The following TTC28 variants were observed in gnomAD, a reference collection of about 807,000 sequenced individuals.
The protein encoded by TTC28 is tetratricopeptide repeat protein 28.
In TTC28, 61 loss-of-function variants were observed where a neutral mutation model predicts 198.0. That is an observed-to-expected ratio of 0.31 (90% CI 0.25 to 0.38). TTC28 has a LOEUF of 0.38. Among genes scored for constraint, TTC28 ranks in the 10% least tolerant of loss-of-function variants. The probability of loss-of-function intolerance (pLI) is 1.00; values close to 1 mark genes in which losing one functional copy is unlikely to be tolerated. For synonymous variants in TTC28, 1,171 were observed against 1,297.8 expected (o/e 0.90, Z 2.10); for missense variants, 2,678 against 3,164.0 (o/e 0.85, Z 3.69).
rs139989439 is a variant in TTC28, at chr22:28,306,820, CA to C, written c.382-178del. 1.6e-4 allele frequency among the ~76,000 whole-genome samples: 24 copies of C among 152,310 alleles called. No individual in the cohort carries two copies. The East Asian group carries it at 3.9e-3, about 24-fold the overall frequency. On this transcript the variant is annotated intron_variant, in intron 2 of 22. Transcript: ENST00000397906. ...TCTAACATCATAAGCATACTTTTATCAGGCAACTTCTATTTAAAATTTTCAT... is the reference window on the plus strand; with the variant it reads ...TCTAACATCATAAGCATACTTTTATCGGCAACTTCTATTTAAAATTTTCAT...
At chr22:28,270,527 T>C (rs762103815) in intron 5 of TTC28, among the ~76,000 whole-genome samples, 12 of 151,400 alleles carry the variant, frequency 7.9e-5, no homozygotes, top group Non-Finnish European at 1.5e-4. Flanking sequence ...TACAATCTGA[T>C]ATTAAAAAAA....
chr22:28,436,247 G>T (rs572130808), intron 2 of TTC28, among the ~76,000 whole-genome samples: 1 of 152,278 alleles, frequency 6.6e-6, no homozygotes, highest in African/African-American at 2.4e-5. Context: ...AGAAGATCTT[G>T]CCAACTGACT....
intron 2 of TTC28, among the ~76,000 whole-genome samples, chr22:28,591,064 T>TACAC (rs2050426684): frequency 8.0e-6 from 1 of 124,604 alleles, no homozygotes; most frequent in African/African-American, 3.5e-5. Context: ...TATATATATA[T>TACAC]ATATATATAT....
chr22:28,511,901 T>A (rs951259206), intron 2 of TTC28, among the ~76,000 whole-genome samples: 1 of 150,878 alleles, frequency 6.6e-6, no homozygotes, highest in African/African-American at 2.4e-5. Context: ...GACATAGGCA[T>A]GGGCAAAGAT....
chr22:28,633,736 A>G (rs1304930137), intron 1 of TTC28, among the ~76,000 whole-genome samples: 3 of 152,244 alleles, frequency 2.0e-5, no homozygotes, highest in Admixed American at 6.5e-5. Flanking sequence ...GTACAGTAAT[A>G]TAAAGTAACA....
rs192293654 is a variant in TTC28 at position 28,533,450 on chromosome 22, G to A, written c.381+96102C>T. Among the ~76,000 whole-genome samples the A allele has an allele frequency of 5.5e-4, 84 of 152,248 alleles. 1 individual carries two copies. In the South Asian group the frequency reaches 0.016, roughly 29 times the overall value. The stretch of plus-strand genomic sequence containing the variant: ...AAGAACATTCCATGCTCATGGATAC[G>A]AAGAATCAATATCATGAAAATAGCC... On this transcript the variant is annotated intron_variant, in intron 2 of 22. Transcript: ENST00000397906.
intron 2 of TTC28, among the ~76,000 whole-genome samples, chr22:28,317,774 A>T (rs1259234866): frequency 6.6e-6 from 1 of 152,176 alleles, no homozygotes; most frequent in African/African-American, 2.4e-5. Flanking sequence ...AGGTCTACAT[A>T]AAGTATCAAG....
chr22:28,348,108 A>C (rs1223168073), intron 2 of TTC28, among the ~76,000 whole-genome samples: 1 of 152,232 alleles, frequency 6.6e-6, no homozygotes, highest in Admixed American at 6.5e-5. Flanking sequence ...GGTTTCAGAC[A>C]GTCAACCTAG....
At chr22:28,318,415 C>T (rs1342051393) in intron 2 of TTC28, among the ~76,000 whole-genome samples, 1 of 152,114 alleles carries the variant, frequency 6.6e-6, no homozygotes, top group East Asian at 1.9e-4. Context: ...CCTTTGAATC[C>T]AAGCTGGTAA....
chr22:28,317,910 C>A (rs2045377708), intron 2 of TTC28, among the ~76,000 whole-genome samples: 1 of 151,918 alleles, frequency 6.6e-6, no homozygotes, highest in Non-Finnish European at 1.5e-5. Context: ...TTATACACTG[C>A]TTTTGCTTGT....
chr22:27,994,257 A>G (rs1937510395), intron 17 of TTC28, among the ~76,000 whole-genome samples: 1 of 148,502 alleles, frequency 6.7e-6, no homozygotes, highest in Non-Finnish European at 1.5e-5. Context: ...AAGCCAGAGC[A>G]ACATAGCGAG....
intron 5 of TTC28, among the ~76,000 whole-genome samples, chr22:28,279,886 T>C (rs2044551633): frequency 6.6e-6 from 1 of 152,262 alleles, no homozygotes; most frequent in African/African-American, 2.4e-5. Flanking sequence ...ATAAAGTATG[T>C]CCTCTTTTGG....
chr22:28,104,121 T>G (rs1414847094), intron 8 of TTC28, among the ~76,000 whole-genome samples: 1 of 152,216 alleles, frequency 6.6e-6, no homozygotes, highest in African/African-American at 2.4e-5. Context: ...TCCTCTTTGC[T>G]TGCTGCTTCT....
chr22:28,596,910 A>C (rs899410517), intron 2 of TTC28, among the ~76,000 whole-genome samples: 4 of 152,224 alleles, frequency 2.6e-5, no homozygotes, highest in Non-Finnish European at 1.5e-5. Context: ...AGTAACATAT[A>C]TTTAGAAGCA....
At chr22:28,274,722 T>G (rs540509873) in intron 5 of TTC28, among the ~76,000 whole-genome samples, 23 of 152,312 alleles carry the variant, frequency 1.5e-4, no homozygotes, top group South Asian at 1.2e-3. Context: ...GGCTCACGCC[T>G]GTAATCCCAG....
At position 28,193,764 on chromosome 22, in the gene TTC28, A is replaced by C. The variant is rs191490952; in HGVS notation, c.934-30165T>G. ...ATCCTAAATATATATGCACCCAATAAAGGAGCATCCAGATTCATAAATCAA... is the reference window on the plus strand; with the variant it reads ...ATCCTAAATATATATGCACCCAATACAGGAGCATCCAGATTCATAAATCAA... On this transcript the variant is annotated intron_variant, in intron 5 of 22. Coordinates refer to ENST00000397906, the MANE Select transcript of TTC28 (RefSeq NM_001145418.2). 9.0e-3 allele frequency among the ~76,000 whole-genome samples: 1,366 copies of C among 152,220 alleles called. 19 individuals carry two copies. The highest frequency in any genetic ancestry group is 0.031 in the African/African-American group (1,278 of 41,532).
intron 2 of TTC28, among the ~76,000 whole-genome samples, chr22:28,553,669 G>A (rs928851896): frequency 1.1e-4 from 16 of 150,714 alleles, no homozygotes; most frequent in African/African-American, 2.9e-4. Context: ...GTCAGCCCCC[G>A]CGCCAGGCCA....
chr22:28,453,072 A>T (rs16986442), intron 2 of TTC28, among the ~76,000 whole-genome samples: 5,675 of 152,294 alleles, frequency 0.037, 206 homozygotes, highest in East Asian at 0.17. Flanking sequence ...GTTCCTGTAT[A>T]CAGTTATGGA....
chr22:28,544,788 A>C (rs947324132), intron 2 of TTC28, among the ~76,000 whole-genome samples: 3 of 152,210 alleles, frequency 2.0e-5, no homozygotes, highest in African/African-American at 7.2e-5. Context: ...CACTCCTACC[A>C]GTGCCATAAC....
Sources: gnomAD v4.1 joint callset for allele counts (sites outside exome capture counted in the v4.1 genomes callset) on GRCh38, gnomAD v4.1.1 for gene constraint, MANE v1.5 for transcripts, NCBI Gene and HGNC (gene_info 2026-07-23, HGNC 2026-07-21) for gene names.